The following FAF1 variants were observed in gnomAD, a reference collection of about 807,000 sequenced individuals.
The protein encoded by FAF1 is Fas associated factor 1.
A neutral mutation model predicts 92.5 loss-of-function variants in FAF1; 25 were observed. That is an observed-to-expected ratio of 0.27 (90% confidence interval 0.20 to 0.38). The LOEUF is 0.38. Ranked by LOEUF, FAF1 falls within the 10% of genes least tolerant of loss-of-function variation. The pLI is 1.00. For missense variants in FAF1, 636 were observed against 793.3 expected (o/e 0.80, Z 2.38); for synonymous variants, 234 against 273.2 (o/e 0.86, Z 1.42).
At chr1:50,764,327 C>T (rs528919610) in intron 4 of FAF1, among the ~76,000 whole-genome samples, 120 of 152,188 alleles carry the variant, frequency 7.9e-4, no homozygotes, top group Non-Finnish European at 1.2e-3. Flanking sequence ...TCTAGTCTTA[C>T]GTATAAGGTC....
rs561670056 is a variant in FAF1 at position 50,718,321 on chromosome 1, C to T, written c.552-12430G>A. ...GGGATTACAGGCATGAGGCACCGTG[C>T]CCGGCCACAATCCACTTTTAATCAG... On this transcript the variant is annotated intron_variant, in intron 6 of 18. Coordinates refer to ENST00000396153, the MANE Select transcript of FAF1 (RefSeq NM_007051.3). Among the ~76,000 whole-genome samples, 6 of 152,276 alleles carry T rather than the reference C, an allele frequency of 3.9e-5. No individual in the cohort carries two copies. In the East Asian group the frequency reaches 1.2e-3, roughly 29 times the overall value.
At chr1:50,601,070 C>T (rs1431176668) in intron 8 of FAF1, among the ~76,000 whole-genome samples, 1 of 152,106 alleles carries the variant, frequency 6.6e-6, no homozygotes, top group Admixed American at 6.6e-5. Context: ...AACTAATTTT[C>T]ATGAATAATG....
Position 50,744,790 on chromosome 1 carries a change from A to G in FAF1, c.368-15T>C. On this transcript the variant is annotated splice_polypyrimidine_tract_variant and intron_variant, in intron 4 of 18. Transcript: ENST00000396153. ...TTTAATCTCTCCTGTATAAATAAGAAGAGATCAAATATTACTAACAAAATA... is the reference window on the plus strand; with the variant it reads ...TTTAATCTCTCCTGTATAAATAAGAGGAGATCAAATATTACTAACAAAATA... The G allele has an allele frequency of 6.9e-7, 1 of 1,450,980 alleles. No individual in the cohort carries two copies. Among genetic ancestry groups the G allele is most frequent in the South Asian group, 1.2e-5 (1 of 82,742 alleles). The allele number at this position is 1,450,980 out of a possible 1,614,324, so 89.9% of individuals were successfully genotyped here.
At chr1:50,484,258 G>T in intron 17 of FAF1, among the ~76,000 whole-genome samples, 1 of 152,194 alleles carries the variant, frequency 6.6e-6, no homozygotes, top group East Asian at 1.9e-4. Context: ...GATAAAGTAA[G>T]TAAGGCAAAT....
intron 1 of FAF1, among the ~76,000 whole-genome samples, chr1:50,867,562 C>CAA (rs1027109164): frequency 6.8e-6 from 1 of 148,070 alleles, no homozygotes; most frequent in South Asian, 2.1e-4. Context: ...ATACAAATGG[C>CAA]AAAAAAAAAT....
chr1:50,699,151 T>C (rs1657361259), intron 7 of FAF1, among the ~76,000 whole-genome samples: 1 of 151,984 alleles, frequency 6.6e-6, no homozygotes, highest in African/African-American at 2.4e-5. Context: ...CTAAAATATA[T>C]CACAAGAATT....
chr1:50,617,213 G>C (rs575754989), intron 8 of FAF1, among the ~76,000 whole-genome samples: 10 of 152,218 alleles, frequency 6.6e-5, no homozygotes, highest in African/African-American at 2.2e-4. Flanking sequence ...TCCTTGTATT[G>C]TTCCAGTTCT....
At chr1:50,631,689 A>G (rs1653797205) in intron 8 of FAF1, among the ~76,000 whole-genome samples, 1 of 152,254 alleles carries the variant, frequency 6.6e-6, no homozygotes, top group Admixed American at 6.5e-5. Flanking sequence ...AGGAAAAAGA[A>G]ACATCTGCTA....
intron 1 of FAF1, among the ~76,000 whole-genome samples, chr1:50,923,304 A>C (rs1644980176): frequency 6.6e-6 from 1 of 151,994 alleles, no homozygotes. Flanking sequence ...CAAAACCTGT[A>C]GTCCTAGCCT....
intron 1 of FAF1, among the ~76,000 whole-genome samples, chr1:50,921,289 G>A (rs1007830892): frequency 6.6e-6 from 1 of 152,170 alleles, no homozygotes; most frequent in African/African-American, 2.4e-5. Context: ...GGGCTGGCCT[G>A]CCCAACTCTG....
At chr1:50,669,950 C>T (rs1462230897) in intron 7 of FAF1, among the ~76,000 whole-genome samples, 2 of 151,908 alleles carry the variant, frequency 1.3e-5, no homozygotes, top group South Asian at 2.1e-4. Flanking sequence ...GCAGAAACCT[C>T]GTCTCTAATA....
At chr1:50,949,517 G>T (rs764589616) in intron 1 of FAF1, among the ~76,000 whole-genome samples, 1 of 152,296 alleles carries the variant, frequency 6.6e-6, no homozygotes, top group East Asian at 1.9e-4. Context: ...GAAAACCACT[G>T]ATCTAGATCA....
At chr1:50,457,926 G>C (rs926404177) in intron 18 of FAF1, among the ~76,000 whole-genome samples, 18 of 150,354 alleles carry the variant, frequency 1.2e-4, no homozygotes, top group Non-Finnish European at 1.9e-4. Flanking sequence ...TTTTGAAAAG[G>C]TTATCGACCG....
intron 1 of FAF1, among the ~76,000 whole-genome samples, chr1:50,872,097 A>T (rs1408161058): frequency 6.6e-6 from 1 of 151,848 alleles, no homozygotes; most frequent in African/African-American, 2.4e-5. Flanking sequence ...AAGAAAATAC[A>T]TTTCATAAAG....
chr1:50,546,442 T>C (rs1349925618), intron 13 of FAF1, among the ~76,000 whole-genome samples: 5 of 152,186 alleles, frequency 3.3e-5, no homozygotes, highest in Non-Finnish European at 1.5e-5. Context: ...CTCAGCTCAC[T>C]GCAACCTTTG....
At chr1:50,820,082 T>A (rs149276432) in intron 2 of FAF1, among the ~76,000 whole-genome samples, 1 of 151,828 alleles carries the variant, frequency 6.6e-6, no homozygotes, top group East Asian at 1.9e-4. Context: ...CTTAAAGTAG[T>A]TGAATTCACA....
intron 8 of FAF1, among the ~76,000 whole-genome samples, chr1:50,648,861 G>C (rs1654717960): frequency 6.6e-6 from 1 of 152,206 alleles, no homozygotes; most frequent in Admixed American, 6.5e-5. Flanking sequence ...AGGAGGCGGA[G>C]GTTGCGGTGA....
At chr1:50,628,884 C>T (rs566019254) in intron 8 of FAF1, among the ~76,000 whole-genome samples, 182 of 152,256 alleles carry the variant, frequency 1.2e-3, no homozygotes, top group Non-Finnish European at 2.0e-3. Flanking sequence ...AAGAGAGGCA[C>T]ATAGTGTGGT....
At chr1:50,623,593 G>C (rs1176288469) in intron 8 of FAF1, among the ~76,000 whole-genome samples, 1 of 150,304 alleles carries the variant, frequency 6.7e-6, no homozygotes, top group Non-Finnish European at 1.5e-5. Context: ...AAAAAAGAAA[G>C]AAAGAAAAGA....
Sources: gnomAD v4.1 joint callset for allele counts (sites outside exome capture counted in the v4.1 genomes callset) on GRCh38, gnomAD v4.1.1 for gene constraint, MANE v1.5 for transcripts, NCBI Gene and HGNC (gene_info 2026-07-23, HGNC 2026-07-21) for gene names.